The following IL3 variants were observed in gnomAD, a reference collection of about 807,000 sequenced individuals.
The protein encoded by IL3 is interleukin 3, also known as interleukin-3.
IL3 carries 15 observed loss-of-function variants against 15.4 expected under a neutral mutation model. The ratio of observed to expected loss-of-function variants is 0.97; its 90% CI spans 0.65 to 1.50. The LOEUF (loss-of-function observed/expected upper bound fraction) is 1.50, where lower values mean the gene tolerates loss of function less well. IL3 is among the 40% of genes most tolerant of loss of function. The pLI, the probability that IL3 is intolerant of heterozygous loss-of-function variation, is 0.00. For synonymous variants in IL3, 74 were observed against 79.3 expected (o/e 0.93, Z 0.36); for missense variants, 162 against 192.2 (o/e 0.84, Z 0.93).
chr5:132,062,845 C>T lies in IL3; in HGVS notation c.*54C>T. Reference sequence around the variant, plus strand: ...TTCTCACCACAGAGCCTCGGGACATCAAAAACAGCAGAACTTCTGAAACCT... The same window carrying T: ...TTCTCACCACAGAGCCTCGGGACATTAAAAACAGCAGAACTTCTGAAACCT... On this transcript the variant is annotated 3_prime_UTR_variant, in exon 5 of 5. Coordinates refer to ENST00000296870, the MANE Select transcript of IL3 (RefSeq NM_000588.4). 6.4e-7 allele frequency: 1 copy of T among 1,566,412 alleles called. No individual in the cohort carries two copies. Among genetic ancestry groups the T allele is most frequent in the East Asian group, 2.3e-5 (1 of 44,360 alleles).
rs1381478544 is a variant in IL3, at chr5:132,063,031, T to C, written c.*240T>C. 6 of 471,444 alleles carry C rather than the reference T, an allele frequency of 1.3e-5. No homozygotes were observed. The highest frequency in any genetic ancestry group is 2.2e-5 in the Non-Finnish European group (6 of 268,600). The allele number at this position is 471,444 out of a possible 1,614,324, so 29.2% of individuals were successfully genotyped here. A position where few individuals can be genotyped will look rare whatever the true frequency, so the allele number is the denominator to read the frequency against. ...CCCATTGAGACTATTTATTTATGTATGTATGTATTTATTTATTTATTGCCT... is the reference window on the plus strand; with the variant it reads ...CCCATTGAGACTATTTATTTATGTACGTATGTATTTATTTATTTATTGCCT... On this transcript the variant is annotated 3_prime_UTR_variant, in exon 5 of 5. Transcript: ENST00000296870.
chr5:132,062,586 T>A lies in IL3; in HGVS notation c.336+19T>A. 3 of 1,613,952 alleles carry A rather than the reference T, an allele frequency of 1.9e-6. No homozygotes were observed. In the East Asian group the frequency reaches 6.7e-5, roughly 36 times the overall value. The stretch of plus-strand genomic sequence containing the variant: ...ACCCACGGTAAGCTGTCCCCCAAGA[T>A]GCCCGTCATGGCTTGCTCCTCAGCT... On this transcript the variant is annotated intron_variant, in intron 4 of 4. Coordinates refer to ENST00000296870, the MANE Select transcript of IL3 (RefSeq NM_000588.4).
At chr5:132,062,625 A>C (rs1459295049) in intron 4 of IL3, 44 bp from the exon 5 acceptor site, 1 of 1,613,118 alleles carries the variant, frequency 6.2e-7, no homozygotes, top group Non-Finnish European at 8.5e-7. Flanking sequence ...CATCACCATT[A>C]CAGCCTGGAC....
In IL3 at chr5:132,060,798, G is replaced by A. The variant is rs770497697; in HGVS notation, c.92G>A (p.Ser31Asn). ...PMTQTTPLKT[S>N]WVNCSNMIDE... ...ACCCAGACAACGCCCTTGAAGACAA[G>A]CTGGGTTAACTGCTCTAACATGATC... Residue 31 changes from serine to asparagine, a missense_variant, in exon 1 of 5, where the codon AGC becomes AAC. Physicochemically the swap from Ser to Asn is conservative, Grantham distance 46. Coordinates refer to ENST00000296870, the MANE Select transcript of IL3 (RefSeq NM_000588.4). 6.2e-7 allele frequency: 1 copy of A among 1,614,228 alleles called. No individual in the cohort carries two copies. Among genetic ancestry groups the A allele is most frequent in the Non-Finnish European group, 8.5e-7 (1 of 1,180,044 alleles).
chr5:132,061,037 C>G, intron 2 of IL3, 29 bp downstream of exon 2: 1 of 1,609,682 alleles, frequency 6.2e-7, no homozygotes, highest in Non-Finnish European at 8.5e-7. Context: ...GATCCCGATC[C>G]ACTTCCTGCC....
chr5:132,061,963 C>T (rs186451538), intron 2 of IL3, among the ~76,000 whole-genome samples: 1 of 152,266 alleles, frequency 6.6e-6, no homozygotes, highest in Admixed American at 6.5e-5. Context: ...GGGGTTTCAC[C>T]ATATTGGTCA....
At position 132,062,562 on chromosome 5, in the gene IL3, C is replaced by T. The variant is rs1162053741; in HGVS notation, c.331C>T (p.Pro111Ser). The change falls in exon 4 of 5, where the codon CCC becomes TCC. Residue 111 changes from proline to serine, a missense_variant. Pro to Ser is a moderately conservative substitution (Grantham distance 74). Transcript: ENST00000296870. Reference protein sequence around the residue: ...LPCLPLATAAPTRHPIHIKDG... With the variant: ...LPCLPLATAASTRHPIHIKDG... Reference sequence around the variant, plus strand: ...ATGTCTGCCCCTGGCCACGGCCGCACCCACGGTAAGCTGTCCCCCAAGATG... The same window carrying T: ...ATGTCTGCCCCTGGCCACGGCCGCATCCACGGTAAGCTGTCCCCCAAGATG... The T allele has an allele frequency of 6.2e-7, 1 of 1,614,158 alleles. No homozygotes were observed. Among genetic ancestry groups the T allele is most frequent in the Non-Finnish European group, 8.5e-7 (1 of 1,179,990 alleles).
rs1452723578 is a variant in IL3, at chr5:132,063,024, TTATG to T, written c.*245_*248del. On this transcript the variant is annotated 3_prime_UTR_variant, in exon 5 of 5. Transcript: ENST00000296870. Reference sequence around the variant, plus strand: ...TTTTTATCCCATTGAGACTATTTATTTATGTATGTATGTATTTATTTATTTATTG... The same window carrying T: ...TTTTTATCCCATTGAGACTATTTATTTATGTATGTATTTATTTATTTATTG... 9.7e-6 allele frequency: 5 copies of T among 513,258 alleles called. No individual in the cohort carries two copies. The highest frequency in any genetic ancestry group is 7.6e-5 in the African/African-American group (4 of 52,518). 31.8% of individuals were successfully genotyped at this position (513,258 alleles called of 1,614,324 possible).
At chr5:132,062,183 C>G in intron 2 of IL3, 129 bp from the exon 3 acceptor site, 5 of 772,516 alleles carry the variant, frequency 6.5e-6, no homozygotes, top group South Asian at 3.1e-5. Context: ...GAGGCAAGAA[C>G]GGGACTAGGA....
At position 132,062,780 on chromosome 5, in the gene IL3, G is replaced by A. The variant is rs771635894; in HGVS notation, c.448G>A (p.Ala150Thr). The A allele has an allele frequency of 6.2e-6, 10 of 1,613,202 alleles. No homozygotes were observed. The highest frequency in any genetic ancestry group is 3.3e-5 in the Admixed American group (2 of 59,980). Residue 150 changes from alanine to threonine, a missense_variant, in exon 5 of 5, where the codon GCG becomes ACG. By Grantham distance (58) the Ala-to-Thr change is moderately conservative. Transcript: ENST00000296870. ...AQAQQTTLSL[A>T]IF ...GGCTCAACAGACGACTTTGAGCCTC[G>A]CGATCTTTTGAGTCCAACGTCCAGC...
In IL3 at chr5:132,060,997, G is replaced by A. The variant is rs1290032405; in HGVS notation, c.193G>A (p.Asp65Asn). The part of the protein sequence containing the change: ...DFNNLNGEDQ[D>N]ILMENNLRRP... ...CAACAACCTCAATGGGGAAGACCAA[G>A]ACATTCTGATGGTAAGAGCTCAGCC... The change falls in exon 2 of 5, where the codon GAC (aspartate) becomes AAC (asparagine). Residue 65 changes from aspartate to asparagine, a missense_variant. Transcript: ENST00000296870. 1 of 1,614,170 alleles carries A rather than the reference G, an allele frequency of 6.2e-7. No individual in the cohort carries two copies. Among genetic ancestry groups the A allele is most frequent in the South Asian group, 1.1e-5 (1 of 91,066 alleles).
In IL3 at chr5:132,061,953, G is replaced by A. The variant is rs548742619; in HGVS notation, c.205-359G>A. ...CCATTTTTGTATTTTTAGTAGAGAC[G>A]GGGTTTCACCATATTGGTCAGGCTG... is the stretch of plus-strand genomic sequence containing the variant. On this transcript the variant is annotated intron_variant, in intron 2 of 4. Transcript: ENST00000296870. Among the ~76,000 whole-genome samples the A allele has an allele frequency of 2.6e-5, 4 of 152,234 alleles. No individual in the cohort carries two copies. In the South Asian group the frequency reaches 6.2e-4, roughly 24 times the overall value.
Position 132,062,843 on chromosome 5 carries a change from A to G in IL3, c.*52A>G. On this transcript the variant is annotated 3_prime_UTR_variant, in exon 5 of 5. Coordinates refer to ENST00000296870, the MANE Select transcript of IL3 (RefSeq NM_000588.4). ...CCTTCTCACCACAGAGCCTCGGGAC[A>G]TCAAAAACAGCAGAACTTCTGAAAC... 6.4e-7 allele frequency: 1 copy of G among 1,570,436 alleles called. No individual in the cohort carries two copies. Among genetic ancestry groups the G allele is most frequent in the Non-Finnish European group, 8.6e-7 (1 of 1,157,832 alleles).
In IL3 at chr5:132,062,307, G is replaced by A. The variant is rs377735929; in HGVS notation, c.205-5G>A. 143 of 1,610,402 alleles carry A rather than the reference G, an allele frequency of 8.9e-5. No individual in the cohort carries two copies. The highest frequency in any genetic ancestry group is 1.1e-4 in the Non-Finnish European group (128 of 1,176,684). On this transcript the variant is annotated splice_region_variant and splice_polypyrimidine_tract_variant and intron_variant, in intron 2 of 4. Transcript: ENST00000296870. ...CCCCCTTAAGTGTATTCTCTGCCCC[G>A]TTAGGAAAATAACCTTCGAAGGCCA...
chr5:132,061,663 C>T (rs1421719883), intron 2 of IL3, among the ~76,000 whole-genome samples: 5 of 152,078 alleles, frequency 3.3e-5, no homozygotes, highest in Admixed American at 3.3e-4. Flanking sequence ...CTCTGAGCTA[C>T]AAATACTTCC....
At position 132,063,016 on chromosome 5, in the gene IL3, C is replaced by CTATT. The variant is rs1273490602; in HGVS notation, c.*233_*236dup. ...TGTTCTCATTTTTATCCCATTGAGA[C>CTATT]TATTTATTTATGTATGTATGTATTT... On this transcript the variant is annotated 3_prime_UTR_variant, in exon 5 of 5. Transcript: ENST00000296870. 12 of 537,846 alleles carry CTATT rather than the reference C, an allele frequency of 2.2e-5. No individual in the cohort carries two copies. Among genetic ancestry groups the CTATT allele is most frequent in the Non-Finnish European group, 2.3e-5 (7 of 309,186 alleles). 33.3% of individuals were successfully genotyped at this position (537,846 alleles called of 1,614,324 possible).
chr5:132,062,923 G>C lies in IL3; in HGVS notation c.*132G>C. On this transcript the variant is annotated 3_prime_UTR_variant, in exon 5 of 5. Transcript: ENST00000296870. ...CCAGAAGCATTTCACCTTTTCCTGC[G>C]GCATCAGATGAATTGTTAATTATCT... 1 of 1,203,256 alleles carries C rather than the reference G, an allele frequency of 8.3e-7. No homozygotes were observed. Among genetic ancestry groups the C allele is most frequent in the Non-Finnish European group, 1.1e-6 (1 of 880,220 alleles). 74.5% of individuals were successfully genotyped at this position (1,203,256 alleles called of 1,614,324 possible).
At chr5:132,061,399 C>G (rs1285913314) in intron 2 of IL3, among the ~76,000 whole-genome samples, 1 of 152,200 alleles carries the variant, frequency 6.6e-6, no homozygotes, top group Non-Finnish European at 1.5e-5. Flanking sequence ...GTTTTCCACC[C>G]TCATTGGCTG....
intron 2 of IL3, among the ~76,000 whole-genome samples, chr5:132,061,705 C>T (rs888352052): frequency 1.7e-4 from 26 of 151,736 alleles, no homozygotes; most frequent in Non-Finnish European, 3.2e-4. Flanking sequence ...TGTAGAGCTT[C>T]TTTTTGGAGA....
Sources: gnomAD v4.1 joint callset for allele counts (sites outside exome capture counted in the v4.1 genomes callset) on GRCh38, gnomAD v4.1.1 for gene constraint, MANE v1.5 for transcripts, NCBI Gene and HGNC (gene_info 2026-07-23, HGNC 2026-07-21) for gene names.